The following IL2RA variants were observed in gnomAD, a reference collection of about 807,000 sequenced individuals.
The protein encoded by IL2RA is interleukin 2 receptor subunit alpha, also known as interleukin-2 receptor subunit alpha.
IL2RA carries 24 observed loss-of-function variants against 37.8 expected under a neutral mutation model. The observed-to-expected ratio is 0.63, with a 90% CI of 0.46 to 0.89. The LOEUF is 0.89. Ranked by LOEUF, IL2RA falls within the 40% of genes least tolerant of loss-of-function variation. IL2RA has a pLI of 0.00. For synonymous variants in IL2RA, 125 were observed against 114.6 expected (o/e 1.09, Z -0.58); for missense variants, 319 against 348.6 (o/e 0.92, Z 0.68).
chr10:6,024,977 A>G (rs1839456401), intron 2 of IL2RA, among the ~76,000 whole-genome samples: 1 of 152,206 alleles, frequency 6.6e-6, no homozygotes, highest in African/African-American at 2.4e-5. Context: ...TCACACCTAT[A>G]ATTCCAGCAC....
chr10:6,017,816 A>G (rs1186623314), intron 7 of IL2RA, among the ~76,000 whole-genome samples: 1 of 152,114 alleles, frequency 6.6e-6, no homozygotes, highest in Admixed American at 6.5e-5. Context: ...ACCTCAGGTG[A>G]TCCACTCAGC....
chr10:6,037,723 C>T (rs1366096521), intron 1 of IL2RA, among the ~76,000 whole-genome samples: 1 of 152,120 alleles, frequency 6.6e-6, no homozygotes, highest in Non-Finnish European at 1.5e-5. Context: ...CCCCCTGTGG[C>T]CCCTTCTCAT....
chr10:6,010,760 T>G lies in IL2RA; in HGVS notation c.*2112A>C, dbSNP rs1203429064. 1 of 152,180 alleles carries G rather than the reference T, an allele frequency of 6.6e-6. No individual in the cohort carries two copies. The highest frequency in any genetic ancestry group is 1.5e-5 in the Non-Finnish European group (1 of 68,032). The allele number at this position is 152,180 out of a possible 1,614,324, so 9.4% of individuals were successfully genotyped here. ...TTATTATATGTTAACAGCAGAGTGA[T>G]GACATCATCACGTATCACATAGCTT... On this transcript the variant is annotated 3_prime_UTR_variant, in exon 8 of 8. Coordinates refer to ENST00000379959, the MANE Select transcript of IL2RA (RefSeq NM_000417.3).
At position 6,047,333 on chromosome 10, in the gene IL2RA, A is replaced by G. The variant is rs1178470756; in HGVS notation, c.64+14755T>C. ...TGTGCCACACTCAGAACGCGGGATG[A>G]ACATAGAGGAAACACTAGAATGGCA... On this transcript the variant is annotated intron_variant, in intron 1 of 7. Transcript: ENST00000379959. This position sits in a 1 kb window ranked among gnomAD's most constrained non-coding sequence, Gnocchi z 5.0. Among the ~76,000 whole-genome samples the G allele has an allele frequency of 6.6e-6, 1 of 152,208 alleles. No homozygotes were observed. The highest frequency in any genetic ancestry group is 1.9e-4 in the East Asian group (1 of 5,180).
At chr10:6,039,288 T>C (rs961813053) in intron 1 of IL2RA, 10 of 152,186 alleles carry the variant, frequency 6.6e-5, no homozygotes, top group Non-Finnish European at 1.3e-4. Context: ...CTTCAAAATA[T>C]ACAAATCAAG....
At chr10:6,019,980 C>G in intron 4 of IL2RA, 39 bp from the exon 5 acceptor site, 1 of 1,561,324 alleles carries the variant, frequency 6.4e-7, no homozygotes. Flanking sequence ...GAGCTAAACA[C>G]AGGAGTCAGG....
intron 1 of IL2RA, 78 bp from the exon 2 acceptor site, chr10:6,026,103 A>T (rs1370863487): frequency 2.1e-6 from 3 of 1,405,236 alleles, no homozygotes; most frequent in Non-Finnish European, 2.0e-6. Flanking sequence ...ATAATGACTT[A>T]ATCACATATT....
chr10:6,020,064 G>T lies in IL2RA; in HGVS notation c.584-123C>A. 1.3e-6 allele frequency: 1 copy of T among 782,680 alleles called. No homozygotes were observed. Among genetic ancestry groups the T allele is most frequent in the Non-Finnish European group, 2.2e-6 (1 of 452,194 alleles). 48.5% of individuals were successfully genotyped at this position (782,680 alleles called of 1,614,324 possible). A position where few individuals can be genotyped will look rare whatever the true frequency, so the allele number is the denominator to read the frequency against. On this transcript the variant is annotated intron_variant, in intron 4 of 7. Coordinates refer to ENST00000379959, the MANE Select transcript of IL2RA (RefSeq NM_000417.3). This position sits in a 1 kb window ranked among gnomAD's most constrained non-coding sequence, Gnocchi z 5.6. ...CGAGGAGGCAGGAATCCTGGTGTGG[G>T]CACTTCGCCAGGGATGCCACCCCTC...
rs997911634 is a variant in IL2RA, at chr10:6,056,391, C to T, written c.64+5697G>A. Among the ~76,000 whole-genome samples the T allele has an allele frequency of 1.3e-4, 20 of 152,216 alleles. No individual in the cohort carries two copies. Among genetic ancestry groups the T allele is most frequent in the African/African-American group, 4.1e-4 (17 of 41,452 alleles). On this transcript the variant is annotated intron_variant, in intron 1 of 7. Transcript: ENST00000379959. The surrounding 1 kb of genome is among the most constrained non-coding windows in gnomAD (Gnocchi z 5.0). ...AATTTAAGAGGGCTGGATTCAAGTT[C>T]AGCTTCTATGTGAACTCTTTCAGTG...
At position 6,048,148 on chromosome 10, in the gene IL2RA, T is replaced by C. The variant is rs12722637; in HGVS notation, c.64+13940A>G. On this transcript the variant is annotated intron_variant, in intron 1 of 7. Transcript: ENST00000379959. This position sits in a 1 kb window ranked among gnomAD's most constrained non-coding sequence, Gnocchi z 5.3. ...CTCAACTGCCCTTGTCATGTGCCCG[T>C]CATGCATCACAGGAAGGCTGTCATG... Among the ~76,000 whole-genome samples the C allele has an allele frequency of 3.7e-4, 56 of 152,326 alleles. No individual in the cohort carries two copies. Among genetic ancestry groups the C allele is most frequent in the African/African-American group, 1.2e-3 (50 of 41,572 alleles).
chr10:6,036,435 C>T lies in IL2RA; in HGVS notation c.65-10410G>A, dbSNP rs376763802. 52 of 152,290 alleles carry T rather than the reference C, an allele frequency of 3.4e-4. No homozygotes were observed. The highest frequency in any genetic ancestry group is 1.3e-3 in the African/African-American group (52 of 41,560). The allele number at this position is 152,290 out of a possible 1,614,324, so 9.4% of individuals were successfully genotyped here. A position where few individuals can be genotyped will look rare whatever the true frequency, so the allele number is the denominator to read the frequency against. On this transcript the variant is annotated intron_variant, in intron 1 of 7. Transcript: ENST00000379959. This position sits in a 1 kb window ranked among gnomAD's most constrained non-coding sequence, Gnocchi z 6.1. ...CTTGGTGAAATGAGGTGGTCTTTGC[C>T]TTCCGCGTCACTCTCTGCTCCTCCT...
rs41294695 is a variant in IL2RA at position 6,027,275 on chromosome 10, G to A, written c.65-1250C>T. Among the ~76,000 whole-genome samples the A allele has an allele frequency of 9.7e-3, 1,480 of 151,886 alleles. 13 individuals carry two copies. Among genetic ancestry groups the A allele is most frequent in the Non-Finnish European group, 0.013 (906 of 67,942 alleles). On this transcript the variant is annotated intron_variant, in intron 1 of 7. Transcript: ENST00000379959. ...CAGGAGGCAGAGGTTGCAGTGGGCC[G>A]AGATCACGCCACTGCACTCCAGCCT...
At position 6,058,729 on chromosome 10, in the gene IL2RA, A is replaced by T. The variant is rs1840083919; in HGVS notation, c.64+3359T>A. On this transcript the variant is annotated intron_variant, in intron 1 of 7. Transcript: ENST00000379959. The surrounding 1 kb of genome is among the most constrained non-coding windows in gnomAD (Gnocchi z 4.2). ...ATAAAGATTTGATCACAGAATTCCT[A>T]GAATGAAAGAAAGATGATCAAGGGA... is the stretch of plus-strand genomic sequence containing the variant. Among the ~76,000 whole-genome samples, 2 of 152,224 alleles carry T rather than the reference A, an allele frequency of 1.3e-5. No individual in the cohort carries two copies. Among genetic ancestry groups the T allele is most frequent in the Admixed American group, 1.3e-4 (2 of 15,290 alleles).
At chr10:6,027,522 T>C (rs1434703304) in intron 1 of IL2RA, among the ~76,000 whole-genome samples, 1 of 152,218 alleles carries the variant, frequency 6.6e-6, no homozygotes, top group African/African-American at 2.4e-5. Context: ...AAAGATGGGT[T>C]TCTAACTTCT....
rs1188074351 is a variant in IL2RA at position 6,056,158 on chromosome 10, T to C, written c.64+5930A>G. Among the ~76,000 whole-genome samples the C allele has an allele frequency of 6.6e-6, 1 of 152,162 alleles. No individual in the cohort carries two copies. Among genetic ancestry groups the C allele is most frequent in the Non-Finnish European group, 1.5e-5 (1 of 68,014 alleles). On this transcript the variant is annotated intron_variant, in intron 1 of 7. Transcript: ENST00000379959. The surrounding 1 kb of genome is among the most constrained non-coding windows in gnomAD (Gnocchi z 5.0). ...CTTGAGAATATGGTGGGGTATTCAG[T>C]GGGGGCTATTGGCAAACACTGTTGG...
At chr10:6,060,180 AT>A (rs1303301505) in intron 1 of IL2RA, among the ~76,000 whole-genome samples, 1 of 152,194 alleles carries the variant, frequency 6.6e-6, no homozygotes, top group Non-Finnish European at 1.5e-5. Context: ...GACCCTGTGG[AT>A]GTAGAAATCA....
In IL2RA at chr10:6,036,762, A is replaced by G. The variant is rs1272732349; in HGVS notation, c.65-10737T>C. On this transcript the variant is annotated intron_variant, in intron 1 of 7. Coordinates refer to ENST00000379959, the MANE Select transcript of IL2RA (RefSeq NM_000417.3). The surrounding 1 kb of genome is among the most constrained non-coding windows in gnomAD (Gnocchi z 6.1). Reference sequence around the variant, plus strand: ...TCCCTTGAGTTAACCAGAAATACCAACCCTGGAAAGAGATGTGGGGGACAG... The same window carrying G: ...TCCCTTGAGTTAACCAGAAATACCAGCCCTGGAAAGAGATGTGGGGGACAG... Among the ~76,000 whole-genome samples, 4 of 152,198 alleles carry G rather than the reference A, an allele frequency of 2.6e-5. No homozygotes were observed. The highest frequency in any genetic ancestry group is 5.9e-5 in the Non-Finnish European group (4 of 68,040).
Position 6,056,026 on chromosome 10 carries a change from C to T in IL2RA, c.64+6062G>A, listed in dbSNP as rs1003899395. Among the ~76,000 whole-genome samples the T allele has an allele frequency of 6.6e-6, 1 of 152,210 alleles. No homozygotes were observed. The highest frequency in any genetic ancestry group is 1.9e-4 in the East Asian group (1 of 5,202). On this transcript the variant is annotated intron_variant, in intron 1 of 7. Coordinates refer to ENST00000379959, the MANE Select transcript of IL2RA (RefSeq NM_000417.3). This position sits in a 1 kb window ranked among gnomAD's most constrained non-coding sequence, Gnocchi z 5.0. The stretch of plus-strand genomic sequence containing the variant: ...TTTTCTTTTTGACAGAAGCAAACCA[C>T]GGAGTCGCCTTGAGATCAGTCAAAA...
intron 1 of IL2RA, among the ~76,000 whole-genome samples, chr10:6,026,880 G>A (rs1839491848): frequency 6.6e-6 from 1 of 152,204 alleles, no homozygotes; most frequent in African/African-American, 2.4e-5. Context: ...GCTGCTGGCT[G>A]TACTTATGGC....
Sources: allele counts gnomAD v4.1 joint callset (sites outside exome capture counted in the v4.1 genomes callset), GRCh38; gene constraint gnomAD v4.1.1; non-coding constraint Gnocchi (gnomAD v3.1); transcripts MANE v1.5; gene names NCBI Gene and HGNC (gene_info 2026-07-23, HGNC 2026-07-21).